Variants in BFSP1 observed in about 807,000 individuals in gnomAD.
BFSP1 encodes beaded filament structural protein 1, also known as filensin.
Under a neutral mutation model 43.9 loss-of-function variants are expected in BFSP1, and 38 were observed. The observed-to-expected ratio is 0.87, with a 90% CI of 0.67 to 1.14. The LOEUF is 1.14. BFSP1 is among the 50% of genes most tolerant of loss of function. BFSP1 has a pLI of 0.00. For synonymous variants in BFSP1, 352 were observed against 354.8 expected (o/e 0.99, Z 0.09); for missense variants, 850 against 875.1 (o/e 0.97, Z 0.36).
chr20:17,510,151 C>T (rs2034042931), intron 4 of BFSP1, among the ~76,000 whole-genome samples: 1 of 152,234 alleles, frequency 6.6e-6, no homozygotes, highest in South Asian at 2.1e-4. Flanking sequence ...TGAGCATGCA[C>T]ACGAGTCCCT....
chr20:17,555,648 G>C (rs888248573), intron 1 of BFSP1, among the ~76,000 whole-genome samples: 1 of 152,104 alleles, frequency 6.6e-6, no homozygotes, highest in Middle Eastern at 3.4e-3. Flanking sequence ...ATGAGACCCT[G>C]TCTCAAAAAA....
chr20:17,512,469 C>A (rs1476460409), intron 3 of BFSP1, among the ~76,000 whole-genome samples: 1 of 152,094 alleles, frequency 6.6e-6, no homozygotes, highest in African/African-American at 2.4e-5. Flanking sequence ...GTACTCCCAG[C>A]ACTTTGGGAG....
intron 1 of BFSP1, among the ~76,000 whole-genome samples, chr20:17,537,568 C>CAAAAAA (rs901895418): frequency 2.2e-4 from 14 of 63,816 alleles, no homozygotes; most frequent in African/African-American, 2.3e-4. Context: ...ACTGAAGCAC[C>CAAAAAA]AAAAAAAAAA....
intron 5 of BFSP1, 62 bp downstream of exon 5, chr20:17,508,827 G>C (rs1418569460): frequency 7.1e-7 from 1 of 1,401,058 alleles, no homozygotes; most frequent in Non-Finnish European, 9.6e-7. Flanking sequence ...GTGTGCCTGC[G>C]CGTAACACCT....
intron 1 of BFSP1, among the ~76,000 whole-genome samples, chr20:17,566,135 A>G (rs1331849061): frequency 6.6e-6 from 1 of 151,882 alleles, no homozygotes; most frequent in East Asian, 1.9e-4. Flanking sequence ...AAAAAAAAAA[A>G]AAAAAGACTA....
At position 17,567,844 on chromosome 20, in the gene BFSP1, A is replaced by G. The variant is rs147941633; in HGVS notation, n.50+1327T>C. 4.1e-3 allele frequency among the ~76,000 whole-genome samples: 618 copies of G among 151,176 alleles called. 3 individuals carry two copies. The highest frequency in any genetic ancestry group is 0.014 in the African/African-American group (578 of 41,082). On this transcript the variant is annotated intron_variant and non_coding_transcript_variant, in intron 1 of 6. Coordinates refer to the BFSP1 transcript ENST00000473415. ...CCATTGCACTACAGTCTGGGCAACA[A>G]GAGTGAAACTCAGTCTCAAAAAAAA... is the stretch of plus-strand genomic sequence containing the variant.
intron 4 of BFSP1, among the ~76,000 whole-genome samples, chr20:17,509,628 C>G (rs2034027558): frequency 6.6e-6 from 1 of 152,160 alleles, no homozygotes; most frequent in South Asian, 2.1e-4. Context: ...GTTTTCCCTT[C>G]TGTGAAAGGG....
At chr20:17,518,484 G>A (rs557093788) in intron 2 of BFSP1, among the ~76,000 whole-genome samples, 19 of 152,266 alleles carry the variant, frequency 1.2e-4, no homozygotes, top group Admixed American at 9.1e-4. Flanking sequence ...TACCCGGCCC[G>A]GGGCGATCAG....
At chr20:17,498,028 T>C (rs1343153435) in intron 6 of BFSP1, among the ~76,000 whole-genome samples, 2 of 152,024 alleles carry the variant, frequency 1.3e-5, no homozygotes, top group East Asian at 1.9e-4. Flanking sequence ...GAAAGAAAAA[T>C]AAAATCCTGC....
intron 1 of BFSP1, among the ~76,000 whole-genome samples, chr20:17,540,570 G>A (rs1230842419): frequency 6.6e-6 from 1 of 152,082 alleles, no homozygotes; most frequent in Non-Finnish European, 1.5e-5. Flanking sequence ...GCAGCTCTTT[G>A]AGGGCAGGGC....
At chr20:17,568,454 G>A (rs778852428) in intron 1 of BFSP1, among the ~76,000 whole-genome samples, 1 of 108,948 alleles carries the variant, frequency 9.2e-6, no homozygotes. Flanking sequence ...GCTGCAGGAG[G>A]ATACAGGGGG....
Position 17,494,416 on chromosome 20 carries a change from C to A in BFSP1, c.1656G>T (p.Glu552Asp). ...IDKEIEPDGAELEGPEEKREG... is the reference protein window; with the variant it reads ...IDKEIEPDGADLEGPEEKREG... ...CACGTTTCTCTTCAGGGCCTTCCAG[C>A]TCTGCACCATCTGGCTCAATCTCCT... Residue 552 changes from glutamate (E) to aspartate (D), a missense_variant, in exon 8 of 8, where the codon GAG becomes GAT. Transcript: ENST00000377873. 1 of 1,614,234 alleles carries A rather than the reference C, an allele frequency of 6.2e-7. No homozygotes were observed. Among genetic ancestry groups the A allele is most frequent in the Non-Finnish European group, 8.5e-7 (1 of 1,180,048 alleles).
At chr20:17,511,412 A>G (rs1225536093) in intron 4 of BFSP1, among the ~76,000 whole-genome samples, 1 of 152,208 alleles carries the variant, frequency 6.6e-6, no homozygotes, top group Non-Finnish European at 1.5e-5. Flanking sequence ...TATCAGATTG[A>G]TAGGGAGAAT....
upstream of BFSP1, among the ~76,000 whole-genome samples, chr20:17,560,119 G>A (rs2035053899): frequency 6.6e-6 from 1 of 151,616 alleles, no homozygotes; most frequent in Non-Finnish European, 1.5e-5. Flanking sequence ...CGAGAAGACA[G>A]GAAAATTAGG....
intron 1 of BFSP1, among the ~76,000 whole-genome samples, chr20:17,567,921 G>A (rs1195522679): frequency 1.3e-5 from 2 of 151,700 alleles, no homozygotes; most frequent in East Asian, 1.9e-4. Context: ...AGGAACTAGG[G>A]GGGTGAAGGA....
chr20:17,543,344 T>C (rs201930), intron 1 of BFSP1, among the ~76,000 whole-genome samples: 78,358 of 152,018 alleles, frequency 0.52, 21,355 homozygotes, highest in African/African-American at 0.71. Context: ...TCTTTCACAT[T>C]AGGAATGAAT....
chr20:17,511,641 A>C (rs560997058), intron 4 of BFSP1, among the ~76,000 whole-genome samples: 1 of 152,182 alleles, frequency 6.6e-6, no homozygotes, highest in East Asian at 1.9e-4. Context: ...ACCCTCACGC[A>C]TTGTGGGTGG....
At position 17,494,109 on chromosome 20, in the gene BFSP1, A is replaced by G; in HGVS notation, c.1963T>C (p.Ser655Pro). The G allele has an allele frequency of 1.9e-6, 3 of 1,613,860 alleles. No individual in the cohort carries two copies. The highest frequency in any genetic ancestry group is 2.5e-6 in the Non-Finnish European group (3 of 1,179,930). The change falls in exon 8 of 8, where the codon TCA becomes CCA. Residue 655 changes from serine (S) to proline (P), a missense_variant. Physicochemically the swap from Ser to Pro is moderately conservative, Grantham distance 74. Coordinates refer to ENST00000377873, the MANE Select transcript of BFSP1 (RefSeq NM_001195.5). Reference sequence around the variant, plus strand: ...TTCTCTCCTGATTTCTTCTTGTCTGACTTTGTCTTTCCAATCATGGTCTCC... The same window carrying G: ...TTCTCTCCTGATTTCTTCTTGTCTGGCTTTGTCTTTCCAATCATGGTCTCC... ...IVETMIGKTK[S>P]DKKKSGEKSS
At position 17,530,970 on chromosome 20, in the gene BFSP1, G is replaced by C; in HGVS notation, c.360C>G (p.Leu120=). ...CCGCTTACTTGCTTCGGAACTCGTC[G>C]AGCGCGCGCTGCGCCTCGGTGCCCT... is the stretch of plus-strand genomic sequence containing the variant. ...ERQGTEAQRA[L]DEFRSKYENE... Residue 120 remains leucine (L), a synonymous_variant, in exon 1 of 8, where the codon CTC becomes CTG. Coordinates refer to ENST00000377873, the MANE Select transcript of BFSP1 (RefSeq NM_001195.5). The C allele has an allele frequency of 7.0e-7, 1 of 1,438,488 alleles. No individual in the cohort carries two copies. Among genetic ancestry groups the C allele is most frequent in the South Asian group, 1.4e-5 (1 of 72,430 alleles). The allele number at this position is 1,438,488 out of a possible 1,614,324, so 89.1% of individuals were successfully genotyped here.
Sources: allele counts gnomAD v4.1 joint callset (sites outside exome capture counted in the v4.1 genomes callset), GRCh38; gene constraint gnomAD v4.1.1; transcripts MANE v1.5; gene names NCBI Gene and HGNC (gene_info 2026-07-23, HGNC 2026-07-21).